BPIFB2: variants seen among roughly 807,000 people sequenced by gnomAD.
BPIFB2 encodes BPI fold-containing family B member 2.
Under a neutral mutation model 50.1 loss-of-function variants are expected in BPIFB2, and 39 were observed. The observed-to-expected ratio is 0.78, with a 90% CI of 0.60 to 1.02. The LOEUF is 1.02. BPIFB2 is among the 50% of genes least tolerant of loss of function. The pLI is 0.00. For missense variants in BPIFB2, 574 were observed against 585.8 expected, an observed-to-expected ratio of 0.98 and a Z score of 0.21; for synonymous variants, 280 against 256.3, an observed-to-expected ratio of 1.09 and a Z score of -0.88.
At chr20:33,016,079 A>G (rs1385901819) in intron 6 of BPIFB2, among the ~76,000 whole-genome samples, 1 of 152,086 alleles carries the variant, frequency 6.6e-6, no homozygotes, top group East Asian at 1.9e-4. Context: ...GAGAGAGGGT[A>G]GCCCAGGGGC....
At chr20:33,013,694 C>A in intron 4 of BPIFB2, 116 bp from the exon 5 acceptor site, 2 of 1,429,312 alleles carry the variant, frequency 1.4e-6, no homozygotes, top group Middle Eastern at 2.6e-4. Flanking sequence ...GAGTGGGGGG[C>A]CTGCCTGGGC....
chr20:33,009,609 C>T lies in BPIFB2; in HGVS notation c.109+926C>T, dbSNP rs982097417. ...ACACAGCCTTCCGGGACCTCATATC[C>T]GGGCTGATGGGCAGGCAATGAAAGG... On this transcript the variant is annotated intron_variant, in intron 2 of 15. Transcript: ENST00000170150. This position sits in a 1 kb window ranked among gnomAD's most constrained non-coding sequence, Gnocchi z 4.2. Among the ~76,000 whole-genome samples, 2 of 152,184 alleles carry T rather than the reference C, an allele frequency of 1.3e-5. No homozygotes were observed. The highest frequency in any genetic ancestry group is 2.4e-5 in the African/African-American group (1 of 41,452).
At position 33,019,564 on chromosome 20, in the gene BPIFB2, G is replaced by A. The variant is rs772765879; in HGVS notation, c.910-16G>A. On this transcript the variant is annotated splice_polypyrimidine_tract_variant and intron_variant, in intron 10 of 15. Coordinates refer to ENST00000170150, the MANE Select transcript of BPIFB2 (RefSeq NM_025227.3). ...CCGCTGCCTCAGCAGGGCCTCCTCC[G>A]CCTCTGCCTCCCCAGGTGGCCCGCC... 2.0e-5 allele frequency: 31 copies of A among 1,570,586 alleles called. No homozygotes were observed. The highest frequency in any genetic ancestry group is 9.1e-5 in the East Asian group (4 of 44,046).
intron 2 of BPIFB2, 125 bp from the exon 3 acceptor site, chr20:33,010,899 G>C: frequency 1.3e-6 from 1 of 797,862 alleles, no homozygotes; most frequent in Non-Finnish European, 2.1e-6. Context: ...TATGCTTGGA[G>C]TAAGCCTACC....
chr20:33,013,615 T>C (rs1339502080), intron 4 of BPIFB2, among the ~76,000 whole-genome samples, 195 bp from the exon 5 acceptor site: 1 of 152,200 alleles, frequency 6.6e-6, no homozygotes, highest in Non-Finnish European at 1.5e-5. Flanking sequence ...CTGCAACGTC[T>C]ATGACCCCAA....
chr20:33,012,672 T>C, intron 3 of BPIFB2, 131 bp from the exon 4 acceptor site: 1 of 740,124 alleles, frequency 1.4e-6, no homozygotes, highest in Admixed American at 2.1e-5. Context: ...ATCTTCCCCT[T>C]ACCTCATGGT....
intron 15 of BPIFB2, 104 bp from the exon 16 acceptor site, chr20:33,023,238 C>A: frequency 8.3e-7 from 1 of 1,203,208 alleles, no homozygotes; most frequent in Non-Finnish European, 1.2e-6. Context: ...CCTCACAACC[C>A]ACAGCAAGAA....
intron 6 of BPIFB2, among the ~76,000 whole-genome samples, chr20:33,016,018 T>A (rs191051421): frequency 6.6e-6 from 1 of 152,226 alleles, no homozygotes; most frequent in East Asian, 1.9e-4. Flanking sequence ...GGTGCTGCTA[T>A]TATTATTACT....
At position 33,011,233 on chromosome 20, in the gene BPIFB2, C is replaced by T. The variant is rs528587857; in HGVS notation, c.203+116C>T. The T allele has an allele frequency of 1.5e-5, 14 of 957,096 alleles. No individual in the cohort carries two copies. In the Admixed American group the frequency reaches 2.3e-4, roughly 16 times the overall value. 59.3% of individuals were successfully genotyped at this position (957,096 alleles called of 1,614,324 possible). On this transcript the variant is annotated intron_variant, in intron 3 of 15. Coordinates refer to ENST00000170150, the MANE Select transcript of BPIFB2 (RefSeq NM_025227.3). ...TGCTCCTGCCTGCTGGGCAGATGCT[C>T]CTATCCACGGGGCAAAGTGTTCCAG... is the stretch of plus-strand genomic sequence containing the variant.
intron 3 of BPIFB2, among the ~76,000 whole-genome samples, chr20:33,012,515 C>G (rs1325345557): frequency 6.6e-6 from 1 of 152,296 alleles, no homozygotes; most frequent in African/African-American, 2.4e-5. Flanking sequence ...ACCTTCCCAA[C>G]TTTCCAGGCA....
rs1351768420 is a variant in BPIFB2 at position 33,021,936 on chromosome 20, T to G, written c.1335+137T>G. 3 of 866,562 alleles carry G rather than the reference T, an allele frequency of 3.5e-6. No homozygotes were observed. The African/African-American group carries it at 5.1e-5, about 15-fold the overall frequency. The allele number at this position is 866,562 out of a possible 1,614,324, so 53.7% of individuals were successfully genotyped here. A position where few individuals can be genotyped will look rare whatever the true frequency, so the allele number is the denominator to read the frequency against. On this transcript the variant is annotated intron_variant, in intron 15 of 15. Transcript: ENST00000170150. The stretch of plus-strand genomic sequence containing the variant: ...TCCTTAACTGCAATGAAATGAAAAG[T>G]CCAGGATGCCAAGAGATGCTGGGTC...
Position 33,019,585 on chromosome 20 carries a change from C to G in BPIFB2, c.915C>G (p.Ala305=). 1 of 1,582,666 alleles carries G rather than the reference C, an allele frequency of 6.3e-7. No homozygotes were observed. Among genetic ancestry groups the G allele is most frequent in the Non-Finnish European group, 8.6e-7 (1 of 1,161,322 alleles). ...SALGRLIPEV[A]RQFPEPMPVV... is the part of the protein sequence containing the mutation. ...CTCCGCCTCTGCCTCCCCAGGTGGC[C>G]CGCCAGTTTCCCGAGCCCATGCCTG... The change falls in exon 11 of 16, where the codon GCC becomes GCG. Residue 305 remains alanine, a synonymous_variant. Coordinates refer to ENST00000170150, the MANE Select transcript of BPIFB2 (RefSeq NM_025227.3).
rs1270586177 is a variant in BPIFB2 at position 33,017,063 on chromosome 20, C to T, written c.538C>T (p.Leu180=). The stretch of plus-strand genomic sequence containing the variant: ...ACAGCTGTGCCTGAGCATCTCCAAC[C>T]TGGTGCAGGGTGTCAATGTCCACCT... ...SNKLCLSISN[L]VQGVNVHLGT... Residue 180 remains leucine, a synonymous_variant, in exon 7 of 16, where the codon CTG becomes TTG. Coordinates refer to ENST00000170150, the MANE Select transcript of BPIFB2 (RefSeq NM_025227.3). 6.2e-7 allele frequency: 1 copy of T among 1,614,006 alleles called. No homozygotes were observed. The highest frequency in any genetic ancestry group is 1.3e-5 in the African/African-American group (1 of 74,928).
chr20:33,021,889 G>A (rs1978687950), intron 15 of BPIFB2, 90 bp downstream of exon 15: 1 of 1,319,804 alleles, frequency 7.6e-7, no homozygotes, highest in Non-Finnish European at 1.1e-6. Context: ...CCCCTCTGTG[G>A]CTGCCAAAAC....
chr20:33,012,961 G>C, intron 4 of BPIFB2, 54 bp downstream of exon 4: 1 of 1,473,644 alleles, frequency 6.8e-7, no homozygotes, highest in Non-Finnish European at 9.5e-7. Context: ...TGCTCCGAGG[G>C]ATACAGTGAG....
intron 3 of BPIFB2, among the ~76,000 whole-genome samples, chr20:33,012,309 G>A (rs958758364): frequency 2.0e-5 from 3 of 152,326 alleles, no homozygotes; most frequent in South Asian, 2.1e-4. Context: ...CGCAGCTTCT[G>A]TACGGGGACC....
chr20:33,014,554 G>A lies in BPIFB2; in HGVS notation c.455+598G>A, dbSNP rs567267000. ...GTTAAGTGACTTGCCTAAGGCCACC[G>A]GCTGACAAATGGTGTAACCACATTC... On this transcript the variant is annotated intron_variant, in intron 5 of 15. Coordinates refer to ENST00000170150, the MANE Select transcript of BPIFB2 (RefSeq NM_025227.3). Among the ~76,000 whole-genome samples the A allele has an allele frequency of 2.6e-5, 4 of 152,124 alleles. No homozygotes were observed. In the East Asian group the frequency reaches 5.8e-4, roughly 22 times the overall value.
chr20:33,010,557 TGAGA>T (rs1282414358), intron 2 of BPIFB2, among the ~76,000 whole-genome samples: 1 of 152,156 alleles, frequency 6.6e-6, no homozygotes, highest in Non-Finnish European at 1.5e-5. Context: ...AACCAGGATC[TGAGA>T]GACTCTTGAG....
chr20:33,016,950 T>C (rs1978451623), intron 6 of BPIFB2, 92 bp from the exon 7 acceptor site: 3 of 1,209,132 alleles, frequency 2.5e-6, no homozygotes, highest in Non-Finnish European at 3.6e-6. Context: ...TGGGGAGGCT[T>C]CTAGACAGGG....
Sources: allele counts gnomAD v4.1 joint callset (sites outside exome capture counted in the v4.1 genomes callset), GRCh38; gene constraint gnomAD v4.1.1; non-coding constraint Gnocchi (gnomAD v3.1); transcripts MANE v1.5; gene names NCBI Gene and HGNC (gene_info 2026-07-23, HGNC 2026-07-21).